The following USP34 variants were observed in gnomAD, a reference collection of about 807,000 sequenced individuals.
USP34 encodes the protein ubiquitin carboxyl-terminal hydrolase 34.
USP34 carries 70 observed loss-of-function variants against 460.3 expected under a neutral mutation model. That is an observed-to-expected ratio of 0.15 (90% CI 0.13 to 0.19). USP34 has a LOEUF of 0.19. USP34 is among the 10% of genes least tolerant of loss of function. The pLI is 1.00. For missense variants in USP34, 3,985 were observed against 4,236.2 expected (o/e 0.94, Z 1.65); for synonymous variants, 1,647 against 1,405.3 (o/e 1.17, Z -3.85).
intron 41 of USP34, among the ~76,000 whole-genome samples, chr2:61,266,788 A>G (rs1385765660): frequency 6.6e-6 from 1 of 152,212 alleles, no homozygotes; most frequent in South Asian, 2.1e-4. Flanking sequence ...TAGCACAGTA[A>G]GACTGAGACT....
At chr2:61,394,628 GAT>G (rs1693461067) in intron 5 of USP34, among the ~76,000 whole-genome samples, 1 of 150,026 alleles carries the variant, frequency 6.7e-6, no homozygotes, top group Non-Finnish European at 1.5e-5. Context: ...GATAATTATA[GAT>G]AGTCATGACC....
chr2:61,263,703 T>G (rs1457546182), intron 43 of USP34, among the ~76,000 whole-genome samples: 1 of 151,102 alleles, frequency 6.6e-6, no homozygotes, highest in Non-Finnish European at 1.5e-5. Context: ...AGCATGGTCT[T>G]GATCTCCTAA....
In USP34 at chr2:61,373,519, T is replaced by C. The variant is rs183258712; in HGVS notation, c.1077-2940A>G. ...GTGGTTATACCAATAACAAATAAAATAGACTAAGCCAAAAAATGTCTGAAA... is the reference window on the plus strand; with the variant it reads ...GTGGTTATACCAATAACAAATAAAACAGACTAAGCCAAAAAATGTCTGAAA... On this transcript the variant is annotated intron_variant, in intron 8 of 79. Transcript: ENST00000398571. Among the ~76,000 whole-genome samples, 399 of 150,778 alleles carry C rather than the reference T, an allele frequency of 2.6e-3. 1 individual carries two copies. Among genetic ancestry groups the C allele is most frequent in the African/African-American group, 9.5e-3 (391 of 41,136 alleles).
intron 3 of USP34, among the ~76,000 whole-genome samples, chr2:61,396,546 G>A (rs1010625513): frequency 6.6e-6 from 1 of 151,154 alleles, no homozygotes; most frequent in South Asian, 2.1e-4. Context: ...TGGAGTGCAG[G>A]AGCATGATCT....
At chr2:61,206,211 T>C (rs1333171115) in intron 71 of USP34, 87 bp from the exon 72 acceptor site, 24 of 1,113,762 alleles carry the variant, frequency 2.2e-5, no homozygotes, top group Non-Finnish European at 3.2e-5. Flanking sequence ...AGAATGCTAA[T>C]GCTAGAAATT....
intron 42 of USP34, 76 bp downstream of exon 42, chr2:61,265,908 T>C (rs1558499324): frequency 1.5e-6 from 2 of 1,334,870 alleles, no homozygotes; most frequent in African/African-American, 1.5e-5. Context: ...GCAGATTCTT[T>C]TGTTAAACAG....
At chr2:61,432,852 A>G (rs1000575014) in intron 1 of USP34, among the ~76,000 whole-genome samples, 2 of 152,156 alleles carry the variant, frequency 1.3e-5, no homozygotes, top group Non-Finnish European at 2.9e-5. Context: ...AAAACTTTCT[A>G]CAATGACCAG....
chr2:61,245,133 C>A, intron 51 of USP34, 77 bp downstream of exon 51: 3 of 1,043,734 alleles, frequency 2.9e-6, no homozygotes, highest in South Asian at 1.7e-5. Context: ...AGTTAAGCGA[C>A]TCTGCTATTG....
chr2:61,283,092 T>TAAC, intron 37 of USP34, 53 bp downstream of exon 37: 11 of 1,575,916 alleles, frequency 7.0e-6, no homozygotes, highest in Non-Finnish European at 9.5e-6. Flanking sequence ...TCAATGCTAA[T>TAAC]AACATGAAAA....
At position 61,267,012 on chromosome 2, in the gene USP34, C is replaced by G. The variant is rs537735633; in HGVS notation, c.5434-845G>C. ...GTCACTATGTGCCCACATGAGCCAC[C>G]CTGTGATAAAACCAAGGACTCCTAG... On this transcript the variant is annotated intron_variant, in intron 41 of 79. Coordinates refer to ENST00000398571, the MANE Select transcript of USP34 (RefSeq NM_014709.4). 7.2e-5 allele frequency among the ~76,000 whole-genome samples: 11 copies of G among 152,270 alleles called. No individual in the cohort carries two copies. In the South Asian group the frequency reaches 1.4e-3, roughly 20 times the overall value.
intron 1 of USP34, among the ~76,000 whole-genome samples, chr2:61,437,937 A>C (rs1356256456): frequency 6.6e-6 from 1 of 152,102 alleles, no homozygotes; most frequent in Non-Finnish European, 1.5e-5. Flanking sequence ...AGAAGAATGA[A>C]TACCAATTCT....
chr2:61,405,189 C>A (rs1313934870), intron 3 of USP34, among the ~76,000 whole-genome samples: 1 of 125,212 alleles, frequency 8.0e-6, no homozygotes, highest in East Asian at 2.5e-4. Context: ...ACCGAGATCA[C>A]ACCACTGCAT....
intron 18 of USP34, among the ~76,000 whole-genome samples, chr2:61,338,578 T>C (rs1026084331): frequency 6.6e-6 from 1 of 152,132 alleles, no homozygotes; most frequent in Non-Finnish European, 1.5e-5. Flanking sequence ...CAGAAAACAA[T>C]ATATTAATAA....
chr2:61,235,472 T>C (rs1688040952), intron 57 of USP34, among the ~76,000 whole-genome samples: 1 of 151,900 alleles, frequency 6.6e-6, no homozygotes, highest in African/African-American at 2.4e-5. Flanking sequence ...ACTACAGGCA[T>C]GTGCCACCAC....
chr2:61,280,973 T>C (rs1689519702), intron 38 of USP34, 117 bp downstream of exon 38: 1 of 1,131,138 alleles, frequency 8.8e-7, no homozygotes, highest in Non-Finnish European at 1.2e-6. Context: ...ATCCTCTTGG[T>C]AAAAAATCAC....
chr2:61,345,195 A>T (rs1396844844), intron 15 of USP34, among the ~76,000 whole-genome samples: 1 of 151,906 alleles, frequency 6.6e-6, no homozygotes, highest in Admixed American at 6.6e-5. Context: ...AACCACTTGA[A>T]CCCAAAAGGT....
intron 27 of USP34, among the ~76,000 whole-genome samples, chr2:61,302,255 A>C (rs1352128683): frequency 6.6e-6 from 1 of 152,218 alleles, no homozygotes; most frequent in African/African-American, 2.4e-5. Context: ...CAGACACTAA[A>C]CAATTACTTT....
chr2:61,434,135 C>T (rs1473048791), intron 1 of USP34, among the ~76,000 whole-genome samples: 2 of 152,202 alleles, frequency 1.3e-5, no homozygotes, highest in South Asian at 2.1e-4. Context: ...AGCAGCCATG[C>T]ACCCTTACTC....
intron 1 of USP34, among the ~76,000 whole-genome samples, chr2:61,453,363 A>G (rs191104985): frequency 6.6e-6 from 1 of 152,066 alleles, no homozygotes; most frequent in East Asian, 1.9e-4. Flanking sequence ...GCAGTGAGCC[A>G]TGGTCACGCC....
Sources: allele counts gnomAD v4.1 joint callset (sites outside exome capture counted in the v4.1 genomes callset), GRCh38; gene constraint gnomAD v4.1.1; transcripts MANE v1.5; gene names NCBI Gene and HGNC (gene_info 2026-07-23, HGNC 2026-07-21).